Variants in CDC16 observed in about 807,000 individuals in gnomAD.
CDC16 encodes cell division cycle 16, also known as cell division cycle protein 16 homolog.
In CDC16, 34 loss-of-function variants were observed where a neutral mutation model predicts 87.0. The ratio of observed to expected loss-of-function variants is 0.39; its 90% CI spans 0.30 to 0.52. The LOEUF (loss-of-function observed/expected upper bound fraction) is 0.52, where lower values mean the gene tolerates loss of function less well. Among genes scored for constraint, CDC16 ranks in the 20% least tolerant of loss-of-function variants. The probability of loss-of-function intolerance (pLI) is 0.74; values close to 1 mark genes in which losing one functional copy is unlikely to be tolerated. For synonymous variants in CDC16, 263 were observed against 260.6 expected (o/e 1.01, Z -0.09); for missense variants, 653 against 751.9 (o/e 0.87, Z 1.54).
At chr13:114,248,153 T>C (rs773185988) in intron 11 of CDC16, among the ~76,000 whole-genome samples, 7 of 152,238 alleles carry the variant, frequency 4.6e-5, no homozygotes, top group Non-Finnish European at 8.8e-5. Flanking sequence ...AGTGAAGCTA[T>C]TTAACCAGTA....
At chr13:114,269,704 ATTTT>A (rs2083478235) in intron 17 of CDC16, among the ~76,000 whole-genome samples, 1 of 150,506 alleles carries the variant, frequency 6.6e-6, no homozygotes, top group Non-Finnish European at 1.5e-5. Context: ...AGATTTTTTT[ATTTT>A]TTATTATTTT....
chr13:114,241,993 A>C (rs1369058682), intron 5 of CDC16, 128 bp from the exon 6 acceptor site: 3 of 1,031,084 alleles, frequency 2.9e-6, no homozygotes, highest in Non-Finnish European at 4.2e-6. Context: ...TCAAGGCTGC[A>C]GTGAGCTATG....
At position 114,239,467 on chromosome 13, in the gene CDC16, G is replaced by A. The variant is rs766021028; in HGVS notation, c.358G>A (p.Asp120Asn). ...AAGTGGCTTCAAAGATCCTTCCAGC[G>A]ACTGGGAAATGTCACAGTCTTCAGT... The part of the protein sequence containing the change: ...DESGFKDPSS[D>N]WEMSQSSIKS... The change falls in exon 5 of 18, where the codon GAC (aspartate) becomes AAC (asparagine). Residue 120 changes from aspartate to asparagine, a missense_variant. Asp to Asn is a conservative substitution (Grantham distance 23). Coordinates refer to ENST00000356221, the MANE Select transcript of CDC16 (RefSeq NM_001078645.3). The A allele has an allele frequency of 7.4e-6, 12 of 1,611,452 alleles. No individual in the cohort carries two copies. The East Asian group carries it at 1.1e-4, about 15-fold the overall frequency.
At chr13:114,244,801 T>TA in intron 8 of CDC16, 89 bp from the exon 9 acceptor site, 1 of 725,168 alleles carries the variant, frequency 1.4e-6, no homozygotes, top group Non-Finnish European at 2.4e-6. Context: ...TCATATGTGA[T>TA]ACCATAATGA....
chr13:114,236,359 T>TTG (rs1160109914), intron 1 of CDC16, among the ~76,000 whole-genome samples: 3 of 152,252 alleles, frequency 2.0e-5, no homozygotes, highest in Admixed American at 6.5e-5. Context: ...TGCATTTCAC[T>TTG]TGTATGTTTC....
Position 114,244,883 on chromosome 13 carries a change from CT to C in CDC16, c.768-4del. 6.2e-7 allele frequency: 1 copy of C among 1,603,240 alleles called. No individual in the cohort carries two copies. The highest frequency in any genetic ancestry group is 1.3e-5 in the African/African-American group (1 of 74,654). ...TGGGGGTAGTAATGTGTCGCTTTAACTTTCAGAGTAATGGAGAAAGATCCTT... is the reference window on the plus strand; with the variant it reads ...TGGGGGTAGTAATGTGTCGCTTTAACTTCAGAGTAATGGAGAAAGATCCTT... On this transcript the variant is annotated splice_region_variant and splice_polypyrimidine_tract_variant and intron_variant, in intron 8 of 17. Transcript: ENST00000356221.
intron 17 of CDC16, among the ~76,000 whole-genome samples, chr13:114,267,383 C>T (rs915640964): frequency 6.6e-6 from 1 of 152,178 alleles, no homozygotes; most frequent in East Asian, 1.9e-4. Context: ...CGCCTGTAGT[C>T]CCAGCTACTC....
At chr13:114,253,688 CAAA>C (rs373996893) in intron 12 of CDC16, among the ~76,000 whole-genome samples, 3 of 116,182 alleles carry the variant, frequency 2.6e-5, no homozygotes, top group African/African-American at 2.9e-5. Flanking sequence ...GACTCCATCT[CAAA>C]AAAAAAAAAA....
At chr13:114,270,168 T>C (rs1438759709) in intron 17 of CDC16, among the ~76,000 whole-genome samples, 2 of 152,164 alleles carry the variant, frequency 1.3e-5, no homozygotes, top group African/African-American at 4.8e-5. Flanking sequence ...GCAGGCTATA[T>C]AGGAAGTATG....
At chr13:114,242,687 A>G (rs767706679) in intron 6 of CDC16, 7 of 174,110 alleles carry the variant, frequency 4.0e-5, no homozygotes, top group Non-Finnish European at 8.5e-5. Context: ...GAATCAGTCC[A>G]AGTATGTTGG....
intron 11 of CDC16, among the ~76,000 whole-genome samples, chr13:114,247,515 GGA>G (rs2081939076): frequency 6.6e-6 from 1 of 151,572 alleles, no homozygotes; most frequent in African/African-American, 2.4e-5. Context: ...GATGCCATGG[GGA>G]GAGAGAGAAA....
chr13:114,265,142 TA>T lies in CDC16; in HGVS notation c.1513-7del. The T allele has an allele frequency of 6.3e-7, 1 of 1,586,250 alleles. No individual in the cohort carries two copies. Among genetic ancestry groups the T allele is most frequent in the South Asian group, 1.1e-5 (1 of 90,520 alleles). On this transcript the variant is annotated splice_polypyrimidine_tract_variant and splice_region_variant and intron_variant, in intron 16 of 17. Transcript: ENST00000356221. ...CTTTTAATAACCATGCTGAATCTTTTATGGCAGGCCCTTGGTCTTAGGCGAG... is the reference window on the plus strand; with the variant it reads ...CTTTTAATAACCATGCTGAATCTTTTTGGCAGGCCCTTGGTCTTAGGCGAG...
At chr13:114,239,942 C>T (rs145924500) in intron 5 of CDC16, among the ~76,000 whole-genome samples, 433 of 152,040 alleles carry the variant, frequency 2.8e-3, no homozygotes, top group African/African-American at 9.6e-3. Context: ...CATGAAATTG[C>T]ACATTCCTTG....
At chr13:114,259,199 C>A in intron 13 of CDC16, 136 bp from the exon 14 acceptor site, 18 of 452,218 alleles carry the variant, frequency 4.0e-5, no homozygotes, top group Admixed American at 9.1e-5. Context: ...TGTGACTTAA[C>A]TTTGAATTTT....
At chr13:114,252,297 T>C (rs538718212) in intron 12 of CDC16, among the ~76,000 whole-genome samples, 4 of 152,242 alleles carry the variant, frequency 2.6e-5, no homozygotes, top group African/African-American at 4.8e-5. Context: ...AGCTTTACAC[T>C]AGCCCTGTTG....
chr13:114,239,092 A>G, intron 4 of CDC16, 64 bp downstream of exon 4: 1 of 905,012 alleles, frequency 1.1e-6, no homozygotes, highest in Non-Finnish European at 1.5e-6. Context: ...CATCTCTTAA[A>G]TATGTGTGAG....
At chr13:114,256,617 C>G (rs1308557850) in intron 12 of CDC16, among the ~76,000 whole-genome samples, 1 of 152,090 alleles carries the variant, frequency 6.6e-6, no homozygotes, top group African/African-American at 2.4e-5. Context: ...CTGCATAGAA[C>G]TGATTATAAT....
intron 17 of CDC16, among the ~76,000 whole-genome samples, chr13:114,268,673 C>T (rs2083404050): frequency 6.6e-6 from 1 of 152,110 alleles, no homozygotes; most frequent in Non-Finnish European, 1.5e-5. Flanking sequence ...GAAATTAAAA[C>T]CATAATGATG....
rs142428564 is a variant in CDC16 at position 114,240,169 on chromosome 13, G to A, written c.381+679G>A. Among the ~76,000 whole-genome samples, 57 of 152,130 alleles carry A rather than the reference G, an allele frequency of 3.7e-4. No individual in the cohort carries two copies. The East Asian group carries it at 9.7e-3, about 26-fold the overall frequency. ...TTTTTATTATTCAGAAAGAATCCCT[G>A]TAAGCCTTACCTGACCTACCAATTT... is the stretch of plus-strand genomic sequence containing the variant. On this transcript the variant is annotated intron_variant, in intron 5 of 17. Coordinates refer to ENST00000356221, the MANE Select transcript of CDC16 (RefSeq NM_001078645.3).
Sources: allele counts gnomAD v4.1 joint callset (sites outside exome capture counted in the v4.1 genomes callset), GRCh38; gene constraint gnomAD v4.1.1; transcripts MANE v1.5; gene names NCBI Gene and HGNC (gene_info 2026-07-23, HGNC 2026-07-21).